Variants in ZNF3 observed in about 807,000 individuals in gnomAD.
The protein encoded by ZNF3 is zinc finger protein 3, also known as C2-H2 type zinc finger protein.
Under a neutral mutation model 36.9 loss-of-function variants are expected in ZNF3, and 16 were observed. That is an observed-to-expected ratio of 0.43 (90% CI 0.29 to 0.66). The LOEUF (loss-of-function observed/expected upper bound fraction) is 0.66, where lower values mean the gene tolerates loss of function less well. Among genes scored for constraint, ZNF3 ranks in the 30% least tolerant of loss-of-function variants. ZNF3 has a pLI of 0.13. For synonymous variants in ZNF3, 201 were observed against 201.9 expected (o/e 1.00, Z 0.04); for missense variants, 462 against 543.1 (o/e 0.85, Z 1.48).
rs1204843421 is a variant in ZNF3 at position 100,071,916 on chromosome 7, G to A, written c.568C>T (p.His190Tyr). The A allele has an allele frequency of 6.2e-7, 1 of 1,614,244 alleles. No individual in the cohort carries two copies. The highest frequency in any genetic ancestry group is 1.7e-5 in the Admixed American group (1 of 60,020). ...CTGTCTCCCACGGGGAGTCTCTGAT[G>A]TGAGATAAGGTTGGAATTCACAGTG... ...SFTVNSNLISHQRLPVGDRPH... is the reference protein window; with the variant it reads ...SFTVNSNLISYQRLPVGDRPH... The change falls in exon 6 of 6, where the codon CAT becomes TAT. Residue 190 changes from histidine (H) to tyrosine (Y), a missense_variant. His to Tyr is a moderately conservative substitution (Grantham distance 83, BLOSUM62 2). Coordinates refer to ENST00000299667, the MANE Select transcript of ZNF3 (RefSeq NM_032924.5).
At chr7:100,077,691 G>C (rs774657382) in intron 2 of ZNF3, 1 of 196,250 alleles carries the variant, frequency 5.1e-6, no homozygotes, top group Non-Finnish European at 1.0e-5. Context: ...CTGAGAGCTG[G>C]GATTACAGGC....
chr7:100,065,271 A>G (rs1792588120), downstream of ZNF3, among the ~76,000 whole-genome samples: 1 of 152,170 alleles, frequency 6.6e-6, no homozygotes, highest in South Asian at 2.1e-4. Context: ...TACTAAAGAT[A>G]CAATTAGCTG....
exon 6 of ZNF3, chr7:100,064,442 A>C: frequency 6.2e-7 from 1 of 1,614,128 alleles, no homozygotes; most frequent in Non-Finnish European, 8.5e-7. Flanking sequence ...GAGAAGCCAT[A>C]TAAGTGTAAG....
chr7:100,080,500 C>G (rs1379033840), intron 1 of ZNF3, among the ~76,000 whole-genome samples: 1 of 149,730 alleles, frequency 6.7e-6, no homozygotes, highest in African/African-American at 2.5e-5. Flanking sequence ...AATACACACA[C>G]AAACATTTTA....
At position 100,071,257 on chromosome 7, in the gene ZNF3, C is replaced by G; in HGVS notation, c.1227G>C (p.Ser409=). Residue 409 remains serine (S), a synonymous_variant, in exon 6 of 6, where the codon TCG becomes TCC. Coordinates refer to ENST00000299667, the MANE Select transcript of ZNF3 (RefSeq NM_032924.5). ...SECGKAFRYS[S]ALVRHQRIHT... is the part of the protein sequence containing the mutation. Reference sequence around the variant, plus strand: ...GAATTCTCTGATGGCGAACAAGAGCCGAGCTGTACCTGAAGGCTTTCCCAC... The same window carrying G: ...GAATTCTCTGATGGCGAACAAGAGCGGAGCTGTACCTGAAGGCTTTCCCAC... 2 of 1,614,130 alleles carry G rather than the reference C, an allele frequency of 1.2e-6. No homozygotes were observed. The highest frequency in any genetic ancestry group is 1.7e-6 in the Non-Finnish European group (2 of 1,180,022).
chr7:100,078,705 A>G (rs1794526174), intron 2 of ZNF3: 1 of 152,072 alleles, frequency 6.6e-6, no homozygotes, highest in African/African-American at 2.4e-5. Context: ...AAAACAAAAC[A>G]AAACAAACCA....
At chr7:100,075,929 A>G (rs1455425732) in intron 3 of ZNF3, among the ~76,000 whole-genome samples, 1 of 151,956 alleles carries the variant, frequency 6.6e-6, no homozygotes, top group Non-Finnish European at 1.5e-5. Context: ...GCCCAGTCCT[A>G]TCTTAGTGAT....
At chr7:100,064,660 A>C (rs1792546651) in exon 6 of ZNF3, 1 of 1,602,944 alleles carries the variant, frequency 6.2e-7, no homozygotes, top group South Asian at 1.1e-5. Context: ...AAACTTTAGA[A>C]TCTGAAAACC....
chr7:100,066,118 C>A (rs1013728059), downstream of ZNF3, among the ~76,000 whole-genome samples: 1 of 151,910 alleles, frequency 6.6e-6, no homozygotes, highest in Non-Finnish European at 1.5e-5. Flanking sequence ...ATCTGGAAAG[C>A]AGCAGCAGGA....
chr7:100,067,061 A>G (rs1792689095), downstream of ZNF3, among the ~76,000 whole-genome samples: 1 of 152,026 alleles, frequency 6.6e-6, no homozygotes, highest in African/African-American at 2.4e-5. Flanking sequence ...CCTAGTTGCC[A>G]CTCTGGCCTG....
At chr7:100,075,025 T>A in intron 5 of ZNF3, 110 bp downstream of exon 5, 2 of 1,403,432 alleles carry the variant, frequency 1.4e-6, no homozygotes, top group Non-Finnish European at 1.9e-6. Context: ...CCATTGCACC[T>A]CAAAAAAAAA....
chr7:100,075,160 C>A lies in ZNF3; in HGVS notation c.246G>T (p.Glu82Asp), dbSNP rs1238571258. The A allele has an allele frequency of 6.2e-7, 1 of 1,611,882 alleles. No individual in the cohort carries two copies. The highest frequency in any genetic ancestry group is 2.2e-5 in the East Asian group (1 of 44,796). Residue 82 changes from glutamate to aspartate, a missense_variant, in exon 5 of 6, where the codon GAG (glutamate) becomes GAT (aspartate). Coordinates refer to ENST00000299667, the MANE Select transcript of ZNF3 (RefSeq NM_032924.5). ...QRDLYRDVML[E>D]NYGNVFSLDR... is the part of the protein sequence containing the mutation. ...CCAGTGAGAACACATTCCCGTAATT[C>A]TCCAGCATCACATCTCTATAGAGGT...
At chr7:100,066,505 C>T (rs374946926), downstream of ZNF3, among the ~76,000 whole-genome samples, 793 of 149,858 alleles carry the variant, frequency 5.3e-3, 5 homozygotes, top group Non-Finnish European at 9.0e-3. Context: ...CCGAGGTGGG[C>T]GGATCACGAG....
At position 100,070,484 on chromosome 7, in the gene ZNF3, G is replaced by A. The variant is rs6592; in HGVS notation, c.*659C>T. ...TTGCCCATTCAGCCCCAGGACAACT[G>A]GGGGGGATGGCAGGGGGTCTGCTGG... is the stretch of plus-strand genomic sequence containing the variant. On this transcript the variant is annotated 3_prime_UTR_variant, in exon 6 of 6. Coordinates refer to ENST00000299667, the MANE Select transcript of ZNF3 (RefSeq NM_032924.5). 1.0e-5 allele frequency: 10 copies of A among 985,240 alleles called. No homozygotes were observed. Among genetic ancestry groups the A allele is most frequent in the African/African-American group, 3.5e-5 (2 of 57,162 alleles). 61.0% of individuals were successfully genotyped at this position (985,240 alleles called of 1,614,324 possible).
upstream of ZNF3, chr7:100,082,382 G>C (rs561831604): frequency 6.6e-6 from 1 of 152,214 alleles, no homozygotes; most frequent in Non-Finnish European, 1.5e-5. Context: ...TCAGGAGTTC[G>C]AGACCAGCCT....
In ZNF3 at chr7:100,081,380, G is replaced by T. The variant is rs1794975190; in HGVS notation, c.-198+255C>A. Among the ~76,000 whole-genome samples the T allele has an allele frequency of 6.6e-6, 1 of 152,244 alleles. No individual in the cohort carries two copies. Among genetic ancestry groups the T allele is most frequent in the South Asian group, 2.1e-4 (1 of 4,836 alleles). ...TCTGCTGAAACTTTTAAACGCTCCA[G>T]CTGGGTCGCCGTTAAAGTCACAAAA... On this transcript the variant is annotated intron_variant, in intron 1 of 5. Coordinates refer to ENST00000299667, the MANE Select transcript of ZNF3 (RefSeq NM_032924.5). This position sits in a 1 kb window ranked among gnomAD's most constrained non-coding sequence, Gnocchi z 4.3.
rs1313352918 is a variant in ZNF3 at position 100,070,013 on chromosome 7, A to T, written c.*1130T>A. The T allele has an allele frequency of 3.7e-5, 36 of 985,738 alleles. No individual in the cohort carries two copies. Among genetic ancestry groups the T allele is most frequent in the Non-Finnish European group, 4.3e-5 (36 of 829,938 alleles). 61.1% of individuals were successfully genotyped at this position (985,738 alleles called of 1,614,324 possible). On this transcript the variant is annotated 3_prime_UTR_variant, in exon 6 of 6. Coordinates refer to ENST00000299667, the MANE Select transcript of ZNF3 (RefSeq NM_032924.5). Reference sequence around the variant, plus strand: ...TTCTGTTTAATAGTGCACTTCATTTATGCTACAGGATGAGCAGGGTTGGGA... The same window carrying T: ...TTCTGTTTAATAGTGCACTTCATTTTTGCTACAGGATGAGCAGGGTTGGGA...
In ZNF3 at chr7:100,070,679, T is replaced by A; in HGVS notation, c.*464A>T. The A allele has an allele frequency of 1.0e-6, 1 of 992,358 alleles. No homozygotes were observed. Among genetic ancestry groups the A allele is most frequent in the Non-Finnish European group, 1.2e-6 (1 of 833,842 alleles). The allele number at this position is 992,358 out of a possible 1,614,324, so 61.5% of individuals were successfully genotyped here. A position where few individuals can be genotyped will look rare whatever the true frequency, so the allele number is the denominator to read the frequency against. ...TCATGAAACAAAACAGCATGTTTCT[T>A]ACCGAAACTTAAAGCTGGACTAGGA... On this transcript the variant is annotated 3_prime_UTR_variant, in exon 6 of 6. Coordinates refer to ENST00000299667, the MANE Select transcript of ZNF3 (RefSeq NM_032924.5).
At chr7:100,069,508 T>C (rs949767569), downstream of ZNF3, among the ~76,000 whole-genome samples, 4 of 143,852 alleles carry the variant, frequency 2.8e-5, no homozygotes, top group African/African-American at 1.1e-4. Flanking sequence ...GCCAAGATGG[T>C]GCCACTGCAT....
Sources: allele counts gnomAD v4.1 joint callset (sites outside exome capture counted in the v4.1 genomes callset), GRCh38; gene constraint gnomAD v4.1.1; non-coding constraint Gnocchi (gnomAD v3.1); transcripts MANE v1.5; gene names NCBI Gene and HGNC (gene_info 2026-07-23, HGNC 2026-07-21).